PRKG1: variants seen among roughly 807,000 people sequenced by gnomAD.
PRKG1 encodes protein kinase cGMP-dependent 1, also known as cGMP-dependent protein kinase 1.
PRKG1 carries 35 observed loss-of-function variants against 88.1 expected under a neutral mutation model. The observed-to-expected ratio is 0.40, with a 90% CI of 0.30 to 0.53. The LOEUF is 0.53. Ranked by LOEUF, PRKG1 falls within the 20% of genes least tolerant of loss-of-function variation. The pLI, the probability that PRKG1 is intolerant of heterozygous loss-of-function variation, is 0.59. For missense variants in PRKG1, 540 were observed against 839.8 expected, an observed-to-expected ratio of 0.64 and a Z score of 4.41; for synonymous variants, 303 against 292.5, an observed-to-expected ratio of 1.04 and a Z score of -0.37.
intron 5 of PRKG1, among the ~76,000 whole-genome samples, chr10:51,956,055 C>G (rs1446291801): frequency 1.3e-5 from 2 of 152,038 alleles, no homozygotes; most frequent in Non-Finnish European, 2.9e-5. Flanking sequence ...AAACTGATCT[C>G]TAATTAGAAA....
chr10:51,151,321 G>A (rs886560875), intron 1 of PRKG1, among the ~76,000 whole-genome samples: 6 of 151,906 alleles, frequency 3.9e-5, no homozygotes, highest in African/African-American at 1.2e-4. Flanking sequence ...GTAATTATAA[G>A]GAGGGGTGAA....
intron 2 of PRKG1, among the ~76,000 whole-genome samples, chr10:51,231,623 C>T (rs545084045): frequency 7.9e-5 from 12 of 152,144 alleles, no homozygotes; most frequent in African/African-American, 2.7e-4. Context: ...GACCTGGCCA[C>T]GCATATGCAC....
intron 4 of PRKG1, among the ~76,000 whole-genome samples, chr10:51,848,382 T>C (rs1205167190): frequency 2.6e-5 from 4 of 152,184 alleles, no homozygotes; most frequent in African/African-American, 7.2e-5. Context: ...GCCTATTTTA[T>C]GGTTCCCGCA....
At chr10:51,169,409 G>A (rs982802675) in intron 2 of PRKG1, among the ~76,000 whole-genome samples, 2 of 152,020 alleles carry the variant, frequency 1.3e-5, no homozygotes, top group Admixed American at 6.6e-5. Flanking sequence ...TCATTTGCTA[G>A]TACCTTTGCT....
chr10:51,566,838 A>G (rs1025475807), intron 3 of PRKG1, among the ~76,000 whole-genome samples: 2 of 151,890 alleles, frequency 1.3e-5, no homozygotes, highest in African/African-American at 2.4e-5. Flanking sequence ...ATAAGTTCCC[A>G]CTTCAATATG....
intron 1 of PRKG1, among the ~76,000 whole-genome samples, chr10:51,122,138 G>A (rs1845274729): frequency 6.6e-6 from 1 of 152,158 alleles, no homozygotes; most frequent in Admixed American, 6.5e-5. Context: ...TATTAAATGA[G>A]GATGGCATTT....
At chr10:51,751,921 A>G (rs759821655) in intron 3 of PRKG1, among the ~76,000 whole-genome samples, 3 of 152,164 alleles carry the variant, frequency 2.0e-5, no homozygotes, top group Non-Finnish European at 4.4e-5. Flanking sequence ...ATAAACAAAT[A>G]CTTGGATAAT....
chr10:51,129,955 A>G (rs1845522954), intron 1 of PRKG1, among the ~76,000 whole-genome samples: 1 of 152,124 alleles, frequency 6.6e-6, no homozygotes, highest in Non-Finnish European at 1.5e-5. Flanking sequence ...GAGGATAGAG[A>G]GACCTAGTCT....
intron 4 of PRKG1, among the ~76,000 whole-genome samples, chr10:51,904,740 A>G (rs970987706): frequency 1.3e-5 from 2 of 152,128 alleles, no homozygotes; most frequent in African/African-American, 4.8e-5. Flanking sequence ...TTAGCAATAA[A>G]TGCTGCTCAA....
At chr10:52,037,708 G>A (rs12357323) in intron 5 of PRKG1, among the ~76,000 whole-genome samples, 9,008 of 152,238 alleles carry the variant, frequency 0.059, 683 homozygotes, top group East Asian at 0.44. Flanking sequence ...GTCATGGAAC[G>A]AAACTGTAAG....
At chr10:52,269,963 T>C (rs1841674446) in intron 10 of PRKG1, among the ~76,000 whole-genome samples, 1 of 152,090 alleles carries the variant, frequency 6.6e-6, no homozygotes, top group East Asian at 1.9e-4. Flanking sequence ...CTCCAAGTCT[T>C]CCCAGTTATT....
intron 9 of PRKG1, among the ~76,000 whole-genome samples, chr10:52,208,603 C>T (rs1839879502): frequency 6.6e-6 from 1 of 152,136 alleles, no homozygotes; most frequent in Non-Finnish European, 1.5e-5. Flanking sequence ...AACACTAGGA[C>T]ACTTACACGC....
chr10:50,992,799 G>GC (rs11412072), intron 1 of PRKG1, among the ~76,000 whole-genome samples: 132,781 of 151,914 alleles, frequency 0.87, 58,141 homozygotes, highest in East Asian at 0.94. Flanking sequence ...AGACTCCAAA[G>GC]CCATTACTGG....
intron 4 of PRKG1, among the ~76,000 whole-genome samples, chr10:51,847,375 G>A (rs1374082740): frequency 6.6e-6 from 1 of 151,966 alleles, no homozygotes; most frequent in African/African-American, 2.4e-5. Flanking sequence ...ACAGAATAAG[G>A]GAGTGATTGG....
At chr10:52,232,078 G>A (rs1023890890) in intron 9 of PRKG1, among the ~76,000 whole-genome samples, 5 of 152,086 alleles carry the variant, frequency 3.3e-5, no homozygotes, top group Admixed American at 1.3e-4. Context: ...TGAGGCTGGC[G>A]GATCACCTGA....
chr10:51,162,116 C>G (rs925653991), intron 2 of PRKG1, among the ~76,000 whole-genome samples: 9 of 152,320 alleles, frequency 5.9e-5, no homozygotes, highest in African/African-American at 2.2e-4. Context: ...ATCCATCCCT[C>G]TAATGAGAAA....
At position 51,481,498 on chromosome 10, in the gene PRKG1, C is replaced by T. The variant is rs185024197; in HGVS notation, c.592+13662C>T. On this transcript the variant is annotated intron_variant, in intron 3 of 17. Coordinates refer to ENST00000373980, the MANE Select transcript of PRKG1 (RefSeq NM_006258.4). ...CCATGGCCTCAGATGATCCGCCCTC[C>T]CTGGCCTCCCAAAGTGCTAGGATTA... is the stretch of plus-strand genomic sequence containing the variant. Among the ~76,000 whole-genome samples the T allele has an allele frequency of 2.0e-3, 297 of 152,254 alleles. 1 individual carries two copies. Among genetic ancestry groups the T allele is most frequent in the African/African-American group, 6.7e-3 (278 of 41,562 alleles).
chr10:51,454,734 T>A (rs116112685), intron 2 of PRKG1, among the ~76,000 whole-genome samples: 59 of 152,316 alleles, frequency 3.9e-4, no homozygotes, highest in African/African-American at 1.4e-3. Flanking sequence ...ATTAAACTTA[T>A]TCACTACCAT....
At chr10:51,631,453 C>T (rs1839524196) in intron 3 of PRKG1, among the ~76,000 whole-genome samples, 1 of 152,200 alleles carries the variant, frequency 6.6e-6, no homozygotes, top group African/African-American at 2.4e-5. Flanking sequence ...AATTGAAGTA[C>T]ATCAACCCAC....
Sources: allele counts gnomAD v4.1 joint callset (sites outside exome capture counted in the v4.1 genomes callset), GRCh38; gene constraint gnomAD v4.1.1; transcripts MANE v1.5; gene names NCBI Gene and HGNC (gene_info 2026-07-23, HGNC 2026-07-21).